Variants in KASH5 observed in about 807,000 individuals in gnomAD.
KASH5 encodes the protein protein KASH5.
KASH5 carries 72 observed loss-of-function variants against 84.2 expected under a neutral mutation model. The ratio of observed to expected loss-of-function variants is 0.85; its 90% CI spans 0.71 to 1.04. The LOEUF (loss-of-function observed/expected upper bound fraction) is 1.04, where lower values mean the gene tolerates loss of function less well. Among genes scored for constraint, KASH5 ranks in the 50% least tolerant of loss-of-function variants. The pLI, the probability that KASH5 is intolerant of heterozygous loss-of-function variation, is 0.00. For synonymous variants in KASH5, 260 were observed against 279.1 expected (o/e 0.93, Z 0.68); for missense variants, 650 against 701.0 (o/e 0.93, Z 0.82).
chr19:49,415,968 G>A (rs988666520), intron 17 of KASH5, among the ~76,000 whole-genome samples: 2 of 152,186 alleles, frequency 1.3e-5, no homozygotes, highest in Non-Finnish European at 2.9e-5. Context: ...AGGCCCTTCC[G>A]GGGAGACATG....
At chr19:49,391,529 G>C (rs1055022377) in intron 2 of KASH5, among the ~76,000 whole-genome samples, 1 of 152,012 alleles carries the variant, frequency 6.6e-6, no homozygotes, top group Non-Finnish European at 1.5e-5. Context: ...ATGTATACAG[G>C]ATATACATAC....
At position 49,403,919 on chromosome 19, in the gene KASH5, A is replaced by G. The variant is rs1011657896; in HGVS notation, c.799-2967A>G. 1.1e-4 allele frequency among the ~76,000 whole-genome samples: 17 copies of G among 152,346 alleles called. 1 individual carries two copies. Among genetic ancestry groups the G allele is most frequent in the Middle Eastern group, 6.8e-3 (2 of 294 alleles). ...TCTATAGATTGAGTTCTCAAGTTACAGTAGAATAATGCTGGAGTAACAAGA... is the reference window on the plus strand; with the variant it reads ...TCTATAGATTGAGTTCTCAAGTTACGGTAGAATAATGCTGGAGTAACAAGA... On this transcript the variant is annotated intron_variant, in intron 9 of 19. Transcript: ENST00000447857.
At position 49,388,642 on chromosome 19, in the gene KASH5, A is replaced by C. The variant is rs79126653; in HGVS notation, c.-96+315A>C. Reference sequence around the variant, plus strand: ...GGAAGGCAGAGGTTGCAGTGAGCTGAGATCGCGCCACTGCACTCCAGCCTG... The same window carrying C: ...GGAAGGCAGAGGTTGCAGTGAGCTGCGATCGCGCCACTGCACTCCAGCCTG... On this transcript the variant is annotated intron_variant, in intron 1 of 19. Coordinates refer to ENST00000447857, the MANE Select transcript of KASH5 (RefSeq NM_144688.5). Among the ~76,000 whole-genome samples, 30 of 151,328 alleles carry C rather than the reference A, an allele frequency of 2.0e-4. No homozygotes were observed. In the South Asian group the frequency reaches 5.9e-3, roughly 30 times the overall value.
chr19:49,417,879 G>A lies in KASH5; in HGVS notation c.*369G>A, dbSNP rs1256168834. On this transcript the variant is annotated 3_prime_UTR_variant, in exon 20 of 20. Coordinates refer to ENST00000447857, the MANE Select transcript of KASH5 (RefSeq NM_144688.5). The surrounding 1 kb of genome is among the most constrained non-coding windows in gnomAD (Gnocchi z 5.2). The stretch of plus-strand genomic sequence containing the variant: ...TTGTAGCTTCCTACATCACATCTGC[G>A]GGAAACGGAAATTTCTTCCTTCCTT... 1.8e-5 allele frequency: 4 copies of A among 219,296 alleles called. No individual in the cohort carries two copies. Among genetic ancestry groups the A allele is most frequent in the South Asian group, 1.8e-4 (1 of 5,494 alleles). 13.6% of individuals were successfully genotyped at this position (219,296 alleles called of 1,614,324 possible). A position where few individuals can be genotyped will look rare whatever the true frequency, so the allele number is the denominator to read the frequency against.
intron 9 of KASH5, among the ~76,000 whole-genome samples, chr19:49,400,599 G>A (rs1038893903): frequency 6.6e-5 from 10 of 151,772 alleles, no homozygotes; most frequent in Non-Finnish European, 1.3e-4. Context: ...ATGTTGGTCA[G>A]GCTGGTCTCA....
chr19:49,416,747 C>T lies in KASH5; in HGVS notation c.1375-268C>T, dbSNP rs573321679. Among the ~76,000 whole-genome samples the T allele has an allele frequency of 1.3e-4, 20 of 152,266 alleles. No individual in the cohort carries two copies. Among genetic ancestry groups the T allele is most frequent in the Middle Eastern group, 3.4e-3 (1 of 294 alleles). On this transcript the variant is annotated intron_variant, in intron 17 of 19. Transcript: ENST00000447857. This position sits in a 1 kb window ranked among gnomAD's most constrained non-coding sequence, Gnocchi z 5.4. ...CCCCGCCTTTTTTTTCCTACATTCACTCATTTAGTCTCCATGTTAACCCTA... is the reference window on the plus strand; with the variant it reads ...CCCCGCCTTTTTTTTCCTACATTCATTCATTTAGTCTCCATGTTAACCCTA...
In KASH5 at chr19:49,416,320, G is replaced by A. The variant is rs1765127030; in HGVS notation, c.1375-695G>A. ...CCATTCTCCTGCCTCAGCCTCCCAAGTAGCTGGGATTACAGGCACGTGCTA... is the reference window on the plus strand; with the variant it reads ...CCATTCTCCTGCCTCAGCCTCCCAAATAGCTGGGATTACAGGCACGTGCTA... On this transcript the variant is annotated intron_variant, in intron 17 of 19. Transcript: ENST00000447857. The surrounding 1 kb of genome is among the most constrained non-coding windows in gnomAD (Gnocchi z 5.4). 6.6e-6 allele frequency among the ~76,000 whole-genome samples: 1 copy of A among 152,140 alleles called. No homozygotes were observed. The highest frequency in any genetic ancestry group is 1.5e-5 in the Non-Finnish European group (1 of 68,028).
Position 49,408,970 on chromosome 19 carries a change from C to T in KASH5, c.997C>T (p.Leu333=). ...LEEYRVTTQE[L]RLEISRLEEQ... ...CTCCCCACTTCCTCCTTTGCAGGAA[C>T]TGAGGCTGGAGATTTCACGCCTGGA... Residue 333 remains leucine (L), a synonymous_variant, in exon 13 of 20, where the codon CTG becomes TTG. Transcript: ENST00000447857. 4.4e-6 allele frequency: 7 copies of T among 1,582,908 alleles called. No individual in the cohort carries two copies. The highest frequency in any genetic ancestry group is 6.0e-6 in the Non-Finnish European group (7 of 1,164,518).
At chr19:49,393,124 G>A (rs1052100110) in intron 2 of KASH5, among the ~76,000 whole-genome samples, 11 of 152,270 alleles carry the variant, frequency 7.2e-5, no homozygotes, top group African/African-American at 2.6e-4. Flanking sequence ...GTGACCTTTG[G>A]CGAGTTCTTA....
At chr19:49,401,293 C>T (rs780989567) in intron 9 of KASH5, among the ~76,000 whole-genome samples, 2 of 152,164 alleles carry the variant, frequency 1.3e-5, no homozygotes, top group African/African-American at 2.4e-5. Context: ...AGGGTGGGTG[C>T]TCATGGTGGG....
At chr19:49,411,180 C>T (rs1018336716) in intron 15 of KASH5, among the ~76,000 whole-genome samples, 15 of 151,506 alleles carry the variant, frequency 9.9e-5, no homozygotes, top group Admixed American at 5.3e-4. Flanking sequence ...TCAAGTGATC[C>T]GCCTACCTCA....
At chr19:49,392,877 A>T (rs1600893676) in intron 2 of KASH5, among the ~76,000 whole-genome samples, 1 of 150,988 alleles carries the variant, frequency 6.6e-6, no homozygotes, top group African/African-American at 2.4e-5. Context: ...ACGCTACTGC[A>T]CTCCAGCCTG....
chr19:49,410,006 C>T (rs1184412295), intron 15 of KASH5, 131 bp downstream of exon 15: 1 of 1,198,874 alleles, frequency 8.3e-7, no homozygotes, highest in African/African-American at 1.5e-5. Flanking sequence ...AATTGAGGGC[C>T]CAGTGTGTGC....
chr19:49,396,009 CT>C (rs1214591353), intron 5 of KASH5, among the ~76,000 whole-genome samples, 176 bp downstream of exon 5: 1 of 152,096 alleles, frequency 6.6e-6, no homozygotes, highest in Non-Finnish European at 1.5e-5. Flanking sequence ...CTTTGGGTTT[CT>C]TTTCTTCAGA....
intron 1 of KASH5, chr19:49,390,151 A>T (rs1005417722): frequency 6.6e-6 from 1 of 152,390 alleles, no homozygotes; most frequent in Non-Finnish European, 1.5e-5. Context: ...GGCCAAATCC[A>T]GGCTGATGTG....
chr19:49,396,473 C>T (rs899683631), intron 5 of KASH5, among the ~76,000 whole-genome samples: 2 of 152,098 alleles, frequency 1.3e-5, no homozygotes, highest in Non-Finnish European at 2.9e-5. Context: ...AGGCTGGTCT[C>T]GAACTCCCGA....
intron 10 of KASH5, 90 bp downstream of exon 10, chr19:49,407,053 G>A (rs1354270461): frequency 7.3e-7 from 1 of 1,367,378 alleles, no homozygotes; most frequent in East Asian, 2.5e-5. Context: ...CCTGATAAGG[G>A]CAGGGTCTTC....
intron 9 of KASH5, among the ~76,000 whole-genome samples, chr19:49,403,846 G>T (rs1461322568): frequency 1.3e-5 from 2 of 152,144 alleles, no homozygotes; most frequent in Non-Finnish European, 1.5e-5. Context: ...AGCTATTCTT[G>T]GTTCCCTCCC....
chr19:49,409,616 C>T (rs1259129524), intron 14 of KASH5, 137 bp from the exon 15 acceptor site: 21 of 1,141,718 alleles, frequency 1.8e-5, no homozygotes, highest in Non-Finnish European at 2.5e-5. Context: ...TGCCCACTCC[C>T]CAACCCCAGC....
Sources: gnomAD v4.1 joint callset for allele counts (sites outside exome capture counted in the v4.1 genomes callset) on GRCh38, gnomAD v4.1.1 for gene constraint, Gnocchi (gnomAD v3.1) non-coding constraint, MANE v1.5 for transcripts, NCBI Gene and HGNC (gene_info 2026-07-23, HGNC 2026-07-21) for gene names.